WRAP73: variants seen among roughly 807,000 people sequenced by gnomAD.
WRAP73 encodes the protein WD repeat containing, antisense to TP73.
A neutral mutation model predicts 59.6 loss-of-function variants in WRAP73; 55 were observed. The ratio of observed to expected loss-of-function variants is 0.92; its 90% CI spans 0.74 to 1.15. The LOEUF is 1.15. WRAP73 is among the 50% of genes most tolerant of loss of function. The pLI is 0.00. For synonymous variants in WRAP73, 265 were observed against 258.2 expected, an observed-to-expected ratio of 1.03 and a Z score of -0.25; for missense variants, 592 against 608.1, an observed-to-expected ratio of 0.97 and a Z score of 0.28.
chr1:3,643,262 G>A (rs1399433767), intron 3 of WRAP73, among the ~76,000 whole-genome samples: 1 of 152,256 alleles, frequency 6.6e-6, no homozygotes, highest in Non-Finnish European at 1.5e-5. Context: ...AGCAAGCAAT[G>A]TGGTGTTTAG....
At chr1:3,634,561 C>T (rs774177098) in intron 8 of WRAP73, 1 of 210,556 alleles carries the variant, frequency 4.7e-6, no homozygotes, top group Non-Finnish European at 9.8e-6. Flanking sequence ...ACACCCAGCT[C>T]TCCAGCCCCT....
intron 11 of WRAP73, 161 bp downstream of exon 11, chr1:3,631,305 G>A: frequency 7.7e-7 from 1 of 1,292,508 alleles, no homozygotes; most frequent in Non-Finnish European, 1.1e-6. Context: ...GAGGGCAGCG[G>A]GTCCCCTGTG....
chr1:3,649,868 C>A (rs1644724462), intron 1 of WRAP73, 63 bp downstream of exon 1: 3 of 1,530,524 alleles, frequency 2.0e-6, no homozygotes, highest in East Asian at 5.1e-5. Flanking sequence ...GCCCCCGGCC[C>A]TGCCCGCCGG....
intron 6 of WRAP73, 102 bp downstream of exon 6, chr1:3,635,842 T>G: frequency 9.9e-7 from 1 of 1,013,036 alleles, no homozygotes; most frequent in Non-Finnish European, 1.5e-6. Flanking sequence ...CTCAACTTGT[T>G]ATCTGAAATA....
At chr1:3,633,593 C>G in intron 8 of WRAP73, 90 bp from the exon 9 acceptor site, 2 of 1,005,294 alleles carry the variant, frequency 2.0e-6, no homozygotes, top group Non-Finnish European at 2.9e-6. Context: ...AGCGCATGGT[C>G]AACAGGTGTG....
At position 3,635,149 on chromosome 1, in the gene WRAP73, C is replaced by T; in HGVS notation, c.738+11G>A. On this transcript the variant is annotated intron_variant, in intron 7 of 11. Coordinates refer to ENST00000270708, the MANE Select transcript of WRAP73 (RefSeq NM_017818.4). ...GGTCGGACTTCCTGAGTGCCCTGCACTGGTTCCCACCTTTCCATCATAGCT... is the reference window on the plus strand; with the variant it reads ...GGTCGGACTTCCTGAGTGCCCTGCATTGGTTCCCACCTTTCCATCATAGCT... The T allele has an allele frequency of 6.2e-7, 1 of 1,614,162 alleles. No individual in the cohort carries two copies. Among genetic ancestry groups the T allele is most frequent in the Non-Finnish European group, 8.5e-7 (1 of 1,180,036 alleles).
At chr1:3,632,792 G>A (rs968355028) in intron 9 of WRAP73, 4 of 249,134 alleles carry the variant, frequency 1.6e-5, no homozygotes, top group African/African-American at 9.2e-5. Flanking sequence ...GACGCCCCTG[G>A]GCTCCTGGGG....
rs918871694 is a variant in WRAP73, at chr1:3,638,738, C to T, written c.412+12G>A. On this transcript the variant is annotated intron_variant, in intron 4 of 11. Transcript: ENST00000270708. ...CAAAGAAATGGCTTTTGCGTGGCTC[C>T]GATCGACTCACCCTGCAGACAAGCT... 26 of 1,613,856 alleles carry T rather than the reference C, an allele frequency of 1.6e-5. No individual in the cohort carries two copies. Among genetic ancestry groups the T allele is most frequent in the Admixed American group, 5.0e-5 (3 of 59,948 alleles).
Position 3,647,403 on chromosome 1 carries a change from C to T in WRAP73, c.222+5G>A. 1 of 1,611,610 alleles carries T rather than the reference C, an allele frequency of 6.2e-7. No homozygotes were observed. The highest frequency in any genetic ancestry group is 8.5e-7 in the Non-Finnish European group (1 of 1,178,906). ...CCAGATTCTAAGCGACACGGCAGCA[C>T]ACACCTGCACCAGCCCTCGCTTGTA... is the stretch of plus-strand genomic sequence containing the variant. On this transcript the variant is annotated splice_donor_5th_base_variant and intron_variant, in intron 2 of 11. Coordinates refer to ENST00000270708, the MANE Select transcript of WRAP73 (RefSeq NM_017818.4).
intron 6 of WRAP73, 34 bp downstream of exon 6, chr1:3,635,910 C>T (rs368376811): frequency 3.0e-5 from 48 of 1,582,382 alleles, no homozygotes; most frequent in Admixed American, 8.6e-5. Context: ...GAAAAGCTCT[C>T]GAAAGCAAAC....
chr1:3,637,146 G>A (rs1342118565), intron 4 of WRAP73, 48 bp from the exon 5 acceptor site: 1 of 1,506,024 alleles, frequency 6.6e-7, no homozygotes, highest in Non-Finnish European at 9.1e-7. Flanking sequence ...ACAAAATCAA[G>A]CAAGAGAAAC....
chr1:3,638,953 G>C, intron 3 of WRAP73, 131 bp from the exon 4 acceptor site: 1 of 875,632 alleles, frequency 1.1e-6, no homozygotes, highest in Non-Finnish European at 1.8e-6. Flanking sequence ...AGGACCTGGG[G>C]GATGCCTGCC....
At chr1:3,641,701 C>G (rs535986510) in intron 3 of WRAP73, among the ~76,000 whole-genome samples, 19 of 152,344 alleles carry the variant, frequency 1.2e-4, no homozygotes, top group African/African-American at 4.6e-4. Flanking sequence ...CAACTGTGCT[C>G]TTAAAGTGGG....
chr1:3,643,349 G>T (rs949608279), intron 3 of WRAP73, among the ~76,000 whole-genome samples: 1 of 152,268 alleles, frequency 6.6e-6, no homozygotes, highest in Non-Finnish European at 1.5e-5. Context: ...GCCCTCAGGT[G>T]GGGAGGGCAT....
intron 1 of WRAP73, 133 bp downstream of exon 1, chr1:3,649,798 C>T (rs1644723816): frequency 1.7e-5 from 16 of 939,864 alleles, no homozygotes; most frequent in South Asian, 1.6e-4. Context: ...CTGCCCGGGC[C>T]CCGCACCTGT....
intron 1 of WRAP73, 37 bp from the exon 2 acceptor site, chr1:3,647,597 C>A (rs904840971): frequency 8.1e-6 from 13 of 1,601,286 alleles, no homozygotes; most frequent in African/African-American, 1.3e-5. Context: ...TGACATTCTC[C>A]ACTCCAAAAG....
chr1:3,636,135 A>C, intron 5 of WRAP73, 105 bp from the exon 6 acceptor site: 3 of 817,254 alleles, frequency 3.7e-6, no homozygotes, highest in Non-Finnish European at 6.0e-6. Flanking sequence ...CCTTATATAG[A>C]AATTGACAAA....
At position 3,638,366 on chromosome 1, in the gene WRAP73, T is replaced by A. The variant is rs568210067; in HGVS notation, c.412+384A>T. On this transcript the variant is annotated intron_variant, in intron 4 of 11. Transcript: ENST00000270708. ...CCCCTTTCGCAGACATCATATTTAGTCCACAGAAGAGAGAAAGCTCAGAAC... is the reference window on the plus strand; with the variant it reads ...CCCCTTTCGCAGACATCATATTTAGACCACAGAAGAGAGAAAGCTCAGAAC... 3.3e-5 allele frequency among the ~76,000 whole-genome samples: 5 copies of A among 151,888 alleles called. No homozygotes were observed. The South Asian group carries it at 1.0e-3, about 31-fold the overall frequency.
In WRAP73 at chr1:3,646,413, C is replaced by T. The variant is rs1427850201; in HGVS notation, c.339+253G>A. ...AGTATATTGTTATCCTTGTTCTATA[C>T]TATGATTGTTGCTAATCTCTTACTG... On this transcript the variant is annotated intron_variant, in intron 3 of 11. Coordinates refer to ENST00000270708, the MANE Select transcript of WRAP73 (RefSeq NM_017818.4). This position sits in a 1 kb window ranked among gnomAD's most constrained non-coding sequence, Gnocchi z 5.1. Among the ~76,000 whole-genome samples, 1 of 152,200 alleles carries T rather than the reference C, an allele frequency of 6.6e-6. No individual in the cohort carries two copies. The highest frequency in any genetic ancestry group is 1.5e-5 in the Non-Finnish European group (1 of 68,036).
Sources: allele counts gnomAD v4.1 joint callset (sites outside exome capture counted in the v4.1 genomes callset), GRCh38; gene constraint gnomAD v4.1.1; non-coding constraint Gnocchi (gnomAD v3.1); transcripts MANE v1.5; gene names NCBI Gene and HGNC (gene_info 2026-07-23, HGNC 2026-07-21).